ANKH: variants seen among roughly 807,000 people sequenced by gnomAD.
ANKH encodes the protein ANKH inorganic pyrophosphate transport regulator.
Under a neutral mutation model 49.0 loss-of-function variants are expected in ANKH, and 15 were observed. The observed-to-expected ratio is 0.31, with a 90% CI of 0.20 to 0.47. ANKH has a LOEUF of 0.47. Ranked by LOEUF, ANKH falls within the 20% of genes least tolerant of loss-of-function variation. The probability of loss-of-function intolerance (pLI) is 1.00; values close to 1 mark genes in which losing one functional copy is unlikely to be tolerated. For synonymous variants in ANKH, 273 were observed against 260.0 expected (o/e 1.05, Z -0.48); for missense variants, 429 against 652.0 (o/e 0.66, Z 3.72).
At chr5:14,796,937 C>T (rs1204426965) in intron 1 of ANKH, among the ~76,000 whole-genome samples, 1 of 152,094 alleles carries the variant, frequency 6.6e-6, no homozygotes, top group African/African-American at 2.4e-5. Flanking sequence ...AACTCTGTAG[C>T]TTTGTTGAAT....
intron 1 of ANKH, among the ~76,000 whole-genome samples, chr5:14,791,884 C>T (rs1036630842): frequency 6.6e-6 from 1 of 152,164 alleles, no homozygotes; most frequent in African/African-American, 2.4e-5. Flanking sequence ...TTGTTCAGTA[C>T]CTGTTATGTG....
At chr5:14,757,737 G>A (rs1045873019) in intron 3 of ANKH, among the ~76,000 whole-genome samples, 1 of 151,998 alleles carries the variant, frequency 6.6e-6, no homozygotes, top group Non-Finnish European at 1.5e-5. Flanking sequence ...ATTTTCAAAT[G>A]GGCTTTCCTG....
chr5:14,736,240 T>C (rs144862544), intron 8 of ANKH, among the ~76,000 whole-genome samples: 2 of 152,034 alleles, frequency 1.3e-5, no homozygotes, highest in African/African-American at 4.8e-5. Context: ...AACCAGTTAT[T>C]TGGGGACCAG....
rs1440086501 is a variant in ANKH at position 14,737,681 on chromosome 5, C to T, written c.1011+4146G>A. On this transcript the variant is annotated intron_variant, in intron 8 of 11. Transcript: ENST00000284268. This position sits in a 1 kb window ranked among gnomAD's most constrained non-coding sequence, Gnocchi z 5.0. ...GCACGCTTCCACGTGAAAGCAGACCCTCTGAAGCTGTTCTTCCAAATGGCT... is the reference window on the plus strand; with the variant it reads ...GCACGCTTCCACGTGAAAGCAGACCTTCTGAAGCTGTTCTTCCAAATGGCT... 6.6e-6 allele frequency among the ~76,000 whole-genome samples: 1 copy of T among 152,252 alleles called. No individual in the cohort carries two copies. Among genetic ancestry groups the T allele is most frequent in the Admixed American group, 6.5e-5 (1 of 15,284 alleles).
intron 1 of ANKH, among the ~76,000 whole-genome samples, chr5:14,843,898 T>A (rs1410276869): frequency 6.6e-6 from 1 of 152,174 alleles, no homozygotes; most frequent in Non-Finnish European, 1.5e-5. Context: ...GCATATAAGG[T>A]ATGTAAATAT....
At chr5:14,848,477 T>A (rs1477923571) in intron 1 of ANKH, among the ~76,000 whole-genome samples, 1 of 152,184 alleles carries the variant, frequency 6.6e-6, no homozygotes, top group Non-Finnish European at 1.5e-5. Flanking sequence ...AACTGCACAC[T>A]CTTCTGCTCC....
intron 1 of ANKH, among the ~76,000 whole-genome samples, chr5:14,854,507 C>T (rs966606454): frequency 2.6e-5 from 4 of 152,050 alleles, no homozygotes; most frequent in African/African-American, 9.7e-5. Context: ...TACCAGGACC[C>T]AGTCTCTACA....
At chr5:14,822,871 AAAAATAG>A (rs1741235816) in intron 1 of ANKH, among the ~76,000 whole-genome samples, 1 of 152,132 alleles carries the variant, frequency 6.6e-6, no homozygotes, top group African/African-American at 2.4e-5. Flanking sequence ...TGTCTCTACT[AAAAATAG>A]AAAAAATTAG....
chr5:14,713,814 G>A lies in ANKH; in HGVS notation c.1142-147C>T, dbSNP rs974424047. On this transcript the variant is annotated intron_variant, in intron 9 of 11. Transcript: ENST00000284268. This position sits in a 1 kb window ranked among gnomAD's most constrained non-coding sequence, Gnocchi z 4.4. ...GAGCCGCTGGCCACCTCATCTTCCT[G>A]CCAGGGTTCCCCATCCCTGCTCCTG... is the stretch of plus-strand genomic sequence containing the variant. 8.4e-7 allele frequency: 1 copy of A among 1,193,948 alleles called. No individual in the cohort carries two copies. 74.0% of individuals were successfully genotyped at this position (1,193,948 alleles called of 1,614,324 possible).
intron 1 of ANKH, among the ~76,000 whole-genome samples, chr5:14,796,259 G>C (rs1740371974): frequency 6.6e-6 from 1 of 150,700 alleles, no homozygotes; most frequent in African/African-American, 2.4e-5. Context: ...GGTGAAACAG[G>C]TCACCCAAAA....
At chr5:14,721,447 C>A (rs959984877) in intron 8 of ANKH, among the ~76,000 whole-genome samples, 8 of 152,178 alleles carry the variant, frequency 5.3e-5, no homozygotes, top group Non-Finnish European at 8.8e-5. Context: ...TCACAGGTAA[C>A]TAAAGGAAAG....
At chr5:14,753,633 A>G (rs930129759) in intron 4 of ANKH, among the ~76,000 whole-genome samples, 1 of 152,214 alleles carries the variant, frequency 6.6e-6, no homozygotes, top group Admixed American at 6.5e-5. Context: ...ATGACCAGGG[A>G]ACAAAACAAA....
intron 1 of ANKH, among the ~76,000 whole-genome samples, chr5:14,855,135 T>C (rs1374466004): frequency 6.6e-6 from 1 of 152,174 alleles, no homozygotes. Flanking sequence ...TGGATCCGTC[T>C]TGCTTTCCAG....
intron 1 of ANKH, among the ~76,000 whole-genome samples, chr5:14,841,475 T>C (rs1741815172): frequency 6.6e-6 from 1 of 152,126 alleles, no homozygotes; most frequent in South Asian, 2.1e-4. Flanking sequence ...TTTTGCATTT[T>C]TGGTAGAGAT....
intron 1 of ANKH, among the ~76,000 whole-genome samples, chr5:14,824,956 A>T (rs990240576): frequency 6.6e-6 from 1 of 152,242 alleles, no homozygotes; most frequent in Non-Finnish European, 1.5e-5. Flanking sequence ...CTAGAGGTAA[A>T]AGGCAAGAGA....
At chr5:14,760,831 G>A (rs1014207390) in intron 2 of ANKH, among the ~76,000 whole-genome samples, 2 of 152,174 alleles carry the variant, frequency 1.3e-5, no homozygotes, top group African/African-American at 4.8e-5. Context: ...TTGAAGCTGG[G>A]GACTATGGAA....
intron 1 of ANKH, among the ~76,000 whole-genome samples, chr5:14,777,619 G>A (rs759912545): frequency 1.3e-5 from 2 of 152,102 alleles, no homozygotes; most frequent in Non-Finnish European, 2.9e-5. Flanking sequence ...GATTCCTCAG[G>A]ACAGGAGGCA....
intron 8 of ANKH, among the ~76,000 whole-genome samples, chr5:14,720,941 G>A (rs765072845): frequency 7.9e-5 from 12 of 152,236 alleles, no homozygotes; most frequent in Non-Finnish European, 1.2e-4. Context: ...TGTGGCAGAT[G>A]AGCCAGGTAA....
intron 1 of ANKH, among the ~76,000 whole-genome samples, chr5:14,861,986 A>G (rs1004584111): frequency 3.9e-5 from 6 of 152,242 alleles, no homozygotes; most frequent in Non-Finnish European, 7.3e-5. Flanking sequence ...CTGTAATCCC[A>G]GCACTTTGGG....
Sources: allele counts gnomAD v4.1 joint callset (sites outside exome capture counted in the v4.1 genomes callset), GRCh38; gene constraint gnomAD v4.1.1; non-coding constraint Gnocchi (gnomAD v3.1); transcripts MANE v1.5; gene names NCBI Gene and HGNC (gene_info 2026-07-23, HGNC 2026-07-21).